Variants in SFI1 observed in about 807,000 individuals in gnomAD.
SFI1 encodes the protein SFI1 centrin binding protein.
SFI1 carries 195 observed loss-of-function variants against 207.5 expected under a neutral mutation model. The observed-to-expected ratio is 0.94, with a 90% CI of 0.84 to 1.06. SFI1 has a LOEUF of 1.06. Ranked by LOEUF, SFI1 falls within the 50% of genes least tolerant of loss-of-function variation. The probability of loss-of-function intolerance (pLI) is 0.00; values close to 1 mark genes in which losing one functional copy is unlikely to be tolerated. For synonymous variants in SFI1, 630 were observed against 598.9 expected, an observed-to-expected ratio of 1.05 and a Z score of -0.76; for missense variants, 1,634 against 1,588.0, an observed-to-expected ratio of 1.03 and a Z score of -0.49.
chr22:31,519,087 G>A, intron 2 of SFI1, among the ~76,000 whole-genome samples: 1 of 152,040 alleles, frequency 6.6e-6, no homozygotes, highest in Non-Finnish European at 1.5e-5. Context: ...ATGGAAGTTA[G>A]CAAATACGTT....
intron 15 of SFI1, among the ~76,000 whole-genome samples, chr22:31,599,450 C>A (rs1035201436): frequency 4.6e-5 from 7 of 151,914 alleles, no homozygotes; most frequent in African/African-American, 1.7e-4. Flanking sequence ...CCTCAGCCTC[C>A]CAAGTAGCTG....
intron 4 of SFI1, among the ~76,000 whole-genome samples, chr22:31,540,684 G>A (rs1413064963): frequency 6.6e-6 from 1 of 151,560 alleles, no homozygotes; most frequent in Non-Finnish European, 1.5e-5. Flanking sequence ...AGGTTCATGC[G>A]AGTTGCCTGC....
intron 4 of SFI1, among the ~76,000 whole-genome samples, chr22:31,539,948 T>A (rs1207259131): frequency 2.0e-5 from 3 of 152,076 alleles, no homozygotes; most frequent in Non-Finnish European, 4.4e-5. Context: ...ACTCCTGACT[T>A]CAGGTGATCT....
chr22:31,568,354 C>A (rs1362088608), intron 8 of SFI1, among the ~76,000 whole-genome samples: 1 of 150,124 alleles, frequency 6.7e-6, no homozygotes, highest in African/African-American at 2.4e-5. Flanking sequence ...TGGTGAAATC[C>A]CGTCTCTACT....
intron 1 of SFI1, among the ~76,000 whole-genome samples, chr22:31,500,989 G>A (rs1352644923): frequency 2.0e-5 from 3 of 151,000 alleles, no homozygotes; most frequent in Non-Finnish European, 2.9e-5. Flanking sequence ...TAGTAGAACG[G>A]GGTTTCACCA....
At chr22:31,503,179 A>T (rs1226554474) in intron 1 of SFI1, among the ~76,000 whole-genome samples, 2 of 151,346 alleles carry the variant, frequency 1.3e-5, no homozygotes, top group Non-Finnish European at 2.9e-5. Context: ...TTTTTCATTG[A>T]TGGAGAGTAA....
rs1051461159 is a variant in SFI1 at position 31,556,424 on chromosome 22, G to A, written c.545-518G>A. Among the ~76,000 whole-genome samples the A allele has an allele frequency of 3.3e-5, 5 of 152,036 alleles. 1 individual carries two copies. The highest frequency in any genetic ancestry group is 7.4e-5 in the Non-Finnish European group (5 of 67,994). Reference sequence around the variant, plus strand: ...TTTAGTAGAGATGGGGTTTCACCACGTTGGTCAGGTTGGTCTCGAACTCCT... The same window carrying A: ...TTTAGTAGAGATGGGGTTTCACCACATTGGTCAGGTTGGTCTCGAACTCCT... On this transcript the variant is annotated intron_variant, in intron 6 of 32. Coordinates refer to ENST00000400288, the MANE Select transcript of SFI1 (RefSeq NM_001007467.3).
intron 2 of SFI1, among the ~76,000 whole-genome samples, chr22:31,527,094 G>T (rs1452302037): frequency 2.0e-5 from 3 of 151,596 alleles, no homozygotes; most frequent in African/African-American, 7.3e-5. Flanking sequence ...ACGGGATTTC[G>T]CCATGTTGGC....
At chr22:31,544,893 T>C (rs757751255) in intron 4 of SFI1, among the ~76,000 whole-genome samples, 2 of 152,166 alleles carry the variant, frequency 1.3e-5, no homozygotes, top group Non-Finnish European at 2.9e-5. Context: ...ATTTTCCCTC[T>C]TTTTAAGTTT....
At chr22:31,553,552 C>T (rs867382500) in intron 6 of SFI1, among the ~76,000 whole-genome samples, 1,620 of 69,172 alleles carry the variant, frequency 0.023, 10 homozygotes, top group Middle Eastern at 0.056. Context: ...TTTTTTTTTT[C>T]AGTAGAGACA....
In SFI1 at chr22:31,559,150, C is replaced by T. The variant is rs2061437963; in HGVS notation, c.662+2091C>T. Among the ~76,000 whole-genome samples the T allele has an allele frequency of 1.3e-5, 2 of 152,044 alleles. 1 individual carries two copies. Among genetic ancestry groups the T allele is most frequent in the South Asian group, 4.1e-4 (2 of 4,822 alleles). On this transcript the variant is annotated intron_variant, in intron 7 of 32. Coordinates refer to ENST00000400288, the MANE Select transcript of SFI1 (RefSeq NM_001007467.3). The stretch of plus-strand genomic sequence containing the variant: ...AATGTTCTTGGTACTGGGCCAGGCA[C>T]AGGGACTCATGCCTGTAATCCCAGC...
intron 1 of SFI1, among the ~76,000 whole-genome samples, chr22:31,506,068 GAGAC>G (rs2054585665): frequency 7.0e-6 from 1 of 142,416 alleles, no homozygotes; most frequent in African/African-American, 2.6e-5. Context: ...TTTTTTTTCT[GAGAC>G]AGAGTCTTGC....
At chr22:31,576,045 G>C (rs1021111537) in intron 10 of SFI1, among the ~76,000 whole-genome samples, 1 of 147,746 alleles carries the variant, frequency 6.8e-6, no homozygotes, top group African/African-American at 2.5e-5. Context: ...TTTTTTTTGA[G>C]ATGGACTCTT....
chr22:31,593,822 CGT>C (rs1377923829), intron 15 of SFI1, among the ~76,000 whole-genome samples: 1 of 148,110 alleles, frequency 6.8e-6, no homozygotes, highest in Non-Finnish European at 1.5e-5. Context: ...AGCGAAACCC[CGT>C]CTCCACCAAA....
chr22:31,584,383 A>G, intron 13 of SFI1, among the ~76,000 whole-genome samples: 1 of 152,174 alleles, frequency 6.6e-6, no homozygotes, highest in East Asian at 1.9e-4. Context: ...TAAAAACACT[A>G]CATTTCTGTG....
chr22:31,517,980 A>G (rs1006646735), intron 2 of SFI1, among the ~76,000 whole-genome samples: 1 of 151,900 alleles, frequency 6.6e-6, no homozygotes, highest in African/African-American at 2.4e-5. Context: ...AATAGAATCT[A>G]TTGTTGTTGG....
intron 11 of SFI1, among the ~76,000 whole-genome samples, chr22:31,579,729 G>A (rs968933534): frequency 1.1e-4 from 17 of 152,180 alleles, no homozygotes; most frequent in Non-Finnish European, 1.6e-4. Context: ...TGGGATTACA[G>A]GTGTGAGCCA....
chr22:31,577,626 C>T (rs1476383345), intron 10 of SFI1, among the ~76,000 whole-genome samples: 2 of 152,088 alleles, frequency 1.3e-5, no homozygotes, highest in Non-Finnish European at 2.9e-5. Context: ...CACCTGTAAT[C>T]CAAGTGCTTT....
chr22:31,614,737 C>A (rs2071078000), intron 27 of SFI1, 52 bp from the exon 28 acceptor site: 2 of 1,590,038 alleles, frequency 1.3e-6, no homozygotes, highest in Non-Finnish European at 1.7e-6. Flanking sequence ...ATCTCAGACC[C>A]CCCTGCAGCC....
Sources: gnomAD v4.1 joint callset for allele counts (sites outside exome capture counted in the v4.1 genomes callset) on GRCh38, gnomAD v4.1.1 for gene constraint, MANE v1.5 for transcripts, NCBI Gene and HGNC (gene_info 2026-07-23, HGNC 2026-07-21) for gene names.